Variants in NSMCE4A observed in about 807,000 individuals in gnomAD.
NSMCE4A encodes non-structural maintenance of chromosomes element 4 homolog A.
Under a neutral mutation model 47.9 loss-of-function variants are expected in NSMCE4A, and 40 were observed. The ratio of observed to expected loss-of-function variants is 0.83; its 90% CI spans 0.65 to 1.09. The LOEUF is 1.09. NSMCE4A is among the 50% of genes least tolerant of loss of function. The probability of loss-of-function intolerance (pLI) is 0.00; values close to 1 mark genes in which losing one functional copy is unlikely to be tolerated. For missense variants in NSMCE4A, 500 were observed against 507.0 expected (o/e 0.99, Z 0.13); for synonymous variants, 166 against 178.5 (o/e 0.93, Z 0.56).
intron 8 of NSMCE4A, chr10:121,959,819 C>A: frequency 1.8e-6 from 1 of 555,712 alleles, no homozygotes; most frequent in South Asian, 2.2e-5. Context: ...TAGAGTAACA[C>A]ATTCCAGACA....
chr10:121,974,284 G>C, intron 1 of NSMCE4A: 2 of 1,394,270 alleles, frequency 1.4e-6, no homozygotes, highest in Non-Finnish European at 1.9e-6. Context: ...AATTTTAAAA[G>C]GAAACCCTAG....
intron 4 of NSMCE4A, 74 bp downstream of exon 4, chr10:121,967,581 T>C: frequency 6.8e-7 from 1 of 1,466,882 alleles, no homozygotes; most frequent in Non-Finnish European, 9.3e-7. Context: ...TACCAAATAA[T>C]CTTTGTCCCT....
chr10:121,963,561 G>C (rs1460131123), intron 5 of NSMCE4A, among the ~76,000 whole-genome samples: 2 of 151,376 alleles, frequency 1.3e-5, no homozygotes, highest in Non-Finnish European at 2.9e-5. Context: ...TTCTTGAGTA[G>C]CTGGCACTAG....
chr10:121,973,016 T>C (rs1272583151), intron 2 of NSMCE4A, among the ~76,000 whole-genome samples: 3 of 152,072 alleles, frequency 2.0e-5, no homozygotes, highest in Non-Finnish European at 2.9e-5. Context: ...GCAGGTGGAT[T>C]ACCTGAGGTC....
chr10:121,965,545 A>T (rs1006029822), intron 4 of NSMCE4A, among the ~76,000 whole-genome samples, 160 bp from the exon 5 acceptor site: 3 of 152,242 alleles, frequency 2.0e-5, no homozygotes, highest in Non-Finnish European at 4.4e-5. Context: ...AAGGTTTGTG[A>T]CAGCCTTTCT....
Position 121,968,699 on chromosome 10 carries a change from C to G in NSMCE4A, c.502-893G>C, listed in dbSNP as rs190328096. Among the ~76,000 whole-genome samples, 12 of 152,248 alleles carry G rather than the reference C, an allele frequency of 7.9e-5. No individual in the cohort carries two copies. The South Asian group carries it at 2.5e-3, about 32-fold the overall frequency. On this transcript the variant is annotated intron_variant, in intron 3 of 10. Transcript: ENST00000369023. ...AAAATGCCTAGAAGTTATCCAATTA[C>G]GATGGCAATATCATATATAAACAAT...
chr10:121,975,158 C>T lies in NSMCE4A; in HGVS notation c.8G>A (p.Gly3Glu). The T allele has an allele frequency of 7.2e-7, 1 of 1,389,772 alleles. No homozygotes were observed. Among genetic ancestry groups the T allele is most frequent in the Non-Finnish European group, 9.2e-7 (1 of 1,081,958 alleles). The allele number at this position is 1,389,772 out of a possible 1,614,324, so 86.1% of individuals were successfully genotyped here. A position where few individuals can be genotyped will look rare whatever the true frequency, so the allele number is the denominator to read the frequency against. MS[G>E]DSSGRGPEGR... ...CTCTGGCCCGCGGCCGCTGCTGTCC[C>T]CAGACATAGCGCCAATTCACCGTGC... Residue 3 changes from glycine to glutamate, a missense_variant, in exon 1 of 11, where the codon GGG (glycine) becomes GAG (glutamate). Coordinates refer to ENST00000369023, the MANE Select transcript of NSMCE4A (RefSeq NM_017615.3).
Position 121,959,587 on chromosome 10 carries a change from TA to T in NSMCE4A, c.996del (p.Ser333ValfsTer21). 1 of 1,612,072 alleles carries T rather than the reference TA, an allele frequency of 6.2e-7. No homozygotes were observed. The highest frequency in any genetic ancestry group is 8.5e-7 in the Non-Finnish European group (1 of 1,178,142). ...AATCCCTCATTTTCTTCATTAATAC[TA>T]ACAGGCTCTGTTTGAAAGACAAATT... ...DQDRLPVIEP[V>X]SINEENEGFE... On this transcript the variant is annotated frameshift_variant, in exon 9 of 11. Coordinates refer to ENST00000369023, the MANE Select transcript of NSMCE4A (RefSeq NM_017615.3). LOFTEE classifies it high-confidence loss of function.
intron 4 of NSMCE4A, 149 bp downstream of exon 4, chr10:121,967,506 A>G (rs1412814745): frequency 1.2e-6 from 1 of 835,374 alleles, no homozygotes; most frequent in Admixed American, 2.9e-5. Flanking sequence ...CCTAGTGTTT[A>G]TGAACTTTCA....
chr10:121,965,957 G>A (rs1952599216), intron 4 of NSMCE4A: 1 of 152,262 alleles, frequency 6.6e-6, no homozygotes, highest in Non-Finnish European at 1.5e-5. Flanking sequence ...TAAGGCTCAT[G>A]TGGTCCCTAC....
chr10:121,974,881 G>A lies in NSMCE4A; in HGVS notation c.285C>T (p.Ser95=), dbSNP rs1393302395. ...IRHQYRALIN[S]VQQNREDILN... is the part of the protein sequence containing the mutation. ...CCGGAGGCGCCGCCTTACGTTGGAC[G>A]GAGTTGATGAGCGCCCGGTACTGAT... The change falls in exon 1 of 11, where the codon TCC becomes TCT. Residue 95 remains serine (S), a synonymous_variant. Transcript: ENST00000369023. 6.7e-7 allele frequency: 1 copy of A among 1,494,596 alleles called. No individual in the cohort carries two copies. 92.6% of individuals were successfully genotyped at this position (1,494,596 alleles called of 1,614,324 possible).
intron 5 of NSMCE4A, among the ~76,000 whole-genome samples, chr10:121,963,998 A>T (rs1392517363): frequency 6.7e-6 from 1 of 149,858 alleles, no homozygotes; most frequent in Non-Finnish European, 1.5e-5. Flanking sequence ...TGGGAGGCTG[A>T]GGCAGGAGAA....
chr10:121,971,464 G>A (rs1405841476), intron 2 of NSMCE4A, among the ~76,000 whole-genome samples: 6 of 152,220 alleles, frequency 3.9e-5, no homozygotes, highest in Admixed American at 6.5e-5. Context: ...CCAAGATCGC[G>A]CCACTGCACT....
intron 4 of NSMCE4A, chr10:121,967,035 A>C (rs1448210240): frequency 6.6e-6 from 1 of 152,220 alleles, no homozygotes; most frequent in Non-Finnish European, 1.5e-5. Flanking sequence ...CCTCAGTAGG[A>C]GGTATCATCC....
At position 121,960,757 on chromosome 10, in the gene NSMCE4A, T is replaced by C. The variant is rs1387965584; in HGVS notation, c.940-351A>G. The stretch of plus-strand genomic sequence containing the variant: ...CTGGCAAAATATGCCTTTGTTATTA[T>C]TTCTGAGAAAATACGTTGGTAGACA... On this transcript the variant is annotated intron_variant, in intron 7 of 10. Transcript: ENST00000369023. The surrounding 1 kb of genome is among the most constrained non-coding windows in gnomAD (Gnocchi z 4.2). Among the ~76,000 whole-genome samples the C allele has an allele frequency of 1.3e-5, 2 of 152,218 alleles. No individual in the cohort carries two copies. Among genetic ancestry groups the C allele is most frequent in the African/African-American group, 4.8e-5 (2 of 41,454 alleles).
intron 10 of NSMCE4A, among the ~76,000 whole-genome samples, chr10:121,958,076 A>C (rs895601002): frequency 6.6e-6 from 1 of 152,068 alleles, no homozygotes; most frequent in Non-Finnish European, 1.5e-5. Context: ...AAAAATAGAA[A>C]AATTAGCTGG....
intron 6 of NSMCE4A, chr10:121,961,786 T>C (rs1020070648): frequency 8.7e-6 from 3 of 346,318 alleles, no homozygotes; most frequent in Non-Finnish European, 1.0e-5. Flanking sequence ...CAGCAATTTA[T>C]ACAAGAGTAA....
intron 5 of NSMCE4A, 31 bp downstream of exon 5, chr10:121,965,255 G>A (rs1479546213): frequency 1.3e-6 from 2 of 1,497,174 alleles, no homozygotes; most frequent in African/African-American, 1.4e-5. Flanking sequence ...ACTTTAATGT[G>A]TTTTTTTAAA....
intron 6 of NSMCE4A, chr10:121,962,126 A>T (rs1014823302): frequency 9.3e-5 from 35 of 374,958 alleles, no homozygotes; most frequent in African/African-American, 7.4e-4. Context: ...AAAAAAAAAA[A>T]ATAGGAACTT....
Sources: gnomAD v4.1 joint callset for allele counts (sites outside exome capture counted in the v4.1 genomes callset) on GRCh38, gnomAD v4.1.1 for gene constraint, Gnocchi (gnomAD v3.1) non-coding constraint, MANE v1.5 for transcripts, NCBI Gene and HGNC (gene_info 2026-07-23, HGNC 2026-07-21) for gene names.